The following LRRC8B variants were observed in gnomAD, a reference collection of about 807,000 sequenced individuals.
LRRC8B encodes leucine rich repeat containing 8 VRAC subunit B.
LRRC8B carries 23 observed loss-of-function variants against 58.8 expected under a neutral mutation model. The ratio of observed to expected loss-of-function variants is 0.39; its 90% confidence interval spans 0.28 to 0.55. The LOEUF (loss-of-function observed/expected upper bound fraction) is 0.55, where lower values mean the gene tolerates loss of function less well. Ranked by LOEUF, LRRC8B falls within the 20% of genes least tolerant of loss-of-function variation. The pLI, the probability that LRRC8B is intolerant of heterozygous loss-of-function variation, is 0.62. For synonymous variants in LRRC8B, 359 were observed against 374.1 expected, an observed-to-expected ratio of 0.96 and a Z score of 0.47; for missense variants, 694 against 936.0, an observed-to-expected ratio of 0.74 and a Z score of 3.37.
intron 5 of LRRC8B, among the ~76,000 whole-genome samples, chr1:89,591,178 T>G (rs1654949036): frequency 6.6e-6 from 1 of 152,258 alleles, no homozygotes; most frequent in South Asian, 2.1e-4. Flanking sequence ...ACGTGCTCAC[T>G]GAATATAAAT....
chr1:89,547,907 A>C (rs1264920030), intron 1 of LRRC8B, among the ~76,000 whole-genome samples: 1 of 152,214 alleles, frequency 6.6e-6, no homozygotes, highest in African/African-American at 2.4e-5. Context: ...ATTGCTCAGA[A>C]GGCTACTTGC....
At chr1:89,552,672 A>G (rs927745923) in intron 1 of LRRC8B, among the ~76,000 whole-genome samples, 15 of 152,202 alleles carry the variant, frequency 9.9e-5, no homozygotes, top group African/African-American at 3.6e-4. Flanking sequence ...GTCATTAAAG[A>G]TTGCAATCGT....
At chr1:89,576,054 C>T (rs1235711808) in intron 3 of LRRC8B, among the ~76,000 whole-genome samples, 8 of 152,166 alleles carry the variant, frequency 5.3e-5, no homozygotes, top group African/African-American at 1.2e-4. Flanking sequence ...GGACAGAAAA[C>T]GTACTGCTTC....
At chr1:89,528,360 G>A (rs747305819) in intron 1 of LRRC8B, among the ~76,000 whole-genome samples, 1 of 152,144 alleles carries the variant, frequency 6.6e-6, no homozygotes, top group Non-Finnish European at 1.5e-5. Context: ...TTCTTCTCAG[G>A]TAGCAGATTT....
At chr1:89,566,851 G>A (rs1163728150) in intron 1 of LRRC8B, among the ~76,000 whole-genome samples, 1 of 152,144 alleles carries the variant, frequency 6.6e-6, no homozygotes, top group Non-Finnish European at 1.5e-5. Flanking sequence ...TATGTCCTTG[G>A]TTGGGAGCCT....
chr1:89,584,582 C>G lies in LRRC8B; in HGVS notation c.1932C>G (p.Asn644Lys), dbSNP rs772997612. The change falls in exon 5 of 6, where the codon AAC (asparagine) becomes AAG (lysine). Residue 644 changes from asparagine to lysine, a missense_variant. Coordinates refer to ENST00000330947, the MANE Select transcript of LRRC8B (RefSeq NM_001369817.2). Reference protein sequence around the residue: ...NLSCLKLWHNNIAYIPAQIGA... With the variant: ...NLSCLKLWHNKIAYIPAQIGA... The stretch of plus-strand genomic sequence containing the variant: ...CCTGCTTAAAGTTGTGGCACAATAA[C>G]ATTGCTTATATTCCTGCACAGATTG... 6.2e-7 allele frequency: 1 copy of G among 1,614,140 alleles called. No individual in the cohort carries two copies. Among genetic ancestry groups the G allele is most frequent in the East Asian group, 2.2e-5 (1 of 44,888 alleles).
At chr1:89,577,745 A>C (rs1404745739) in intron 3 of LRRC8B, among the ~76,000 whole-genome samples, 1 of 152,194 alleles carries the variant, frequency 6.6e-6, no homozygotes, top group Non-Finnish European at 1.5e-5. Context: ...ATTTAGTAGG[A>C]AAATGTTTAG....
intron 4 of LRRC8B, among the ~76,000 whole-genome samples, chr1:89,580,113 A>G (rs1407598526): frequency 1.3e-5 from 2 of 152,200 alleles, no homozygotes; most frequent in African/African-American, 4.8e-5. Flanking sequence ...GAACAAATCC[A>G]CTATTCTTTC....
chr1:89,587,024 T>C (rs1654673885), intron 5 of LRRC8B, among the ~76,000 whole-genome samples: 1 of 152,164 alleles, frequency 6.6e-6, no homozygotes, highest in Admixed American at 6.5e-5. Context: ...GAACAAAACT[T>C]GCTGGGAATA....
At chr1:89,581,627 G>A (rs973631653) in intron 4 of LRRC8B, among the ~76,000 whole-genome samples, 16 of 152,116 alleles carry the variant, frequency 1.1e-4, no homozygotes, top group African/African-American at 3.9e-4. Flanking sequence ...ATACTTTTCA[G>A]TATGAAAATA....
intron 1 of LRRC8B, among the ~76,000 whole-genome samples, chr1:89,538,030 A>T (rs575305717): frequency 5.3e-5 from 8 of 152,332 alleles, no homozygotes; most frequent in Middle Eastern, 3.4e-3. Flanking sequence ...TTATTTACAC[A>T]GAGTAAAACC....
intron 1 of LRRC8B, among the ~76,000 whole-genome samples, chr1:89,535,498 A>G (rs554630829): frequency 3.3e-5 from 5 of 152,344 alleles, no homozygotes; most frequent in Admixed American, 2.6e-4. Context: ...CGAAGGTGAC[A>G]AGCAGCGAAG....
chr1:89,574,561 A>C (rs1270112450), intron 3 of LRRC8B, among the ~76,000 whole-genome samples: 1 of 152,254 alleles, frequency 6.6e-6, no homozygotes, highest in Non-Finnish European at 1.5e-5. Context: ...GCAAAATATC[A>C]GAAGCTCTGA....
At chr1:89,543,122 T>A (rs1651142716) in intron 1 of LRRC8B, among the ~76,000 whole-genome samples, 1 of 152,220 alleles carries the variant, frequency 6.6e-6, no homozygotes. Context: ...CAAAAGCCCC[T>A]AAATTTTCGT....
intron 1 of LRRC8B, among the ~76,000 whole-genome samples, chr1:89,538,733 G>T (rs888532781): frequency 6.6e-6 from 1 of 151,844 alleles, no homozygotes; most frequent in Non-Finnish European, 1.5e-5. Flanking sequence ...TTGTTTGTTT[G>T]TTTTTTAGAC....
intron 1 of LRRC8B, among the ~76,000 whole-genome samples, chr1:89,541,107 G>A (rs1257881324): frequency 2.0e-5 from 3 of 152,142 alleles, no homozygotes; most frequent in African/African-American, 7.2e-5. Flanking sequence ...GAAAAGATTT[G>A]GGGGAAGTAC....
At chr1:89,557,068 G>A (rs1461628273) in intron 1 of LRRC8B, among the ~76,000 whole-genome samples, 2 of 152,310 alleles carry the variant, frequency 1.3e-5, no homozygotes, top group South Asian at 2.1e-4. Context: ...CAGACATTAA[G>A]GGATCCATTA....
At position 89,596,919 on chromosome 1, in the gene LRRC8B, C is replaced by T. The variant is rs146998900; in HGVS notation, c.*3876C>T. The T allele has an allele frequency of 1.9e-3, 288 of 152,206 alleles. 2 individuals are homozygous for T. Among genetic ancestry groups the T allele is most frequent in the African/African-American group, 6.7e-3 (277 of 41,534 alleles). The allele number at this position is 152,206 out of a possible 1,614,324, so 9.4% of individuals were successfully genotyped here. ...ATCTGCTTTGTTTTCAGTAACTGTA[C>T]ATTGCATCAGAATCTGTTTATTTCT... On this transcript the variant is annotated 3_prime_UTR_variant, in exon 6 of 6. Coordinates refer to ENST00000330947, the MANE Select transcript of LRRC8B (RefSeq NM_001369817.2).
chr1:89,536,956 C>T lies in LRRC8B; in HGVS notation c.-241+11934C>T, dbSNP rs183186119. Among the ~76,000 whole-genome samples the T allele has an allele frequency of 2.0e-5, 3 of 152,108 alleles. No individual in the cohort carries two copies. In the South Asian group the frequency reaches 6.2e-4, roughly 32 times the overall value. On this transcript the variant is annotated intron_variant, in intron 1 of 5. Transcript: ENST00000330947. ...CTCATGTGTGTACAATTTCAACATG[C>T]CTTGAAATCATCCTTAGAATCCTCA...
Sources: allele counts gnomAD v4.1 joint callset (sites outside exome capture counted in the v4.1 genomes callset), GRCh38; gene constraint gnomAD v4.1.1; transcripts MANE v1.5; gene names NCBI Gene and HGNC (gene_info 2026-07-23, HGNC 2026-07-21).